The following RBM20 variants were observed in gnomAD, a reference collection of about 807,000 sequenced individuals.
The protein encoded by RBM20 is RNA binding motif protein 20.
RBM20 carries 51 observed loss-of-function variants against 110.1 expected under a neutral mutation model. The observed-to-expected ratio is 0.46, with a 90% CI of 0.37 to 0.59. The LOEUF (loss-of-function observed/expected upper bound fraction) is 0.59, where lower values mean the gene tolerates loss of function less well. Ranked by LOEUF, RBM20 falls within the 20% of genes least tolerant of loss-of-function variation. The pLI is 0.00. For synonymous variants in RBM20, 589 were observed against 618.2 expected (o/e 0.95, Z 0.70); for missense variants, 1,512 against 1,574.9 (o/e 0.96, Z 0.68).
chr10:110,670,642 G>T (rs576750377), intron 1 of RBM20, among the ~76,000 whole-genome samples: 6 of 152,126 alleles, frequency 3.9e-5, no homozygotes, highest in Non-Finnish European at 8.8e-5. Context: ...AGGGAGCCCC[G>T]CTCAGAGAAC....
chr10:110,823,461 C>G lies in RBM20; in HGVS notation c.3317-19C>G, dbSNP rs748164628. On this transcript the variant is annotated intron_variant, in intron 11 of 13. Transcript: ENST00000369519. Reference sequence around the variant, plus strand: ...TTTTTTTTTTTTTTTTTTTTTTTGCCTTGGTTCATGTTTTGCAGAAAACTC... The same window carrying G: ...TTTTTTTTTTTTTTTTTTTTTTTGCGTTGGTTCATGTTTTGCAGAAAACTC... The G allele has an allele frequency of 1.3e-5, 12 of 902,154 alleles. No homozygotes were observed. The highest frequency in any genetic ancestry group is 9.3e-5 in the African/African-American group (3 of 32,236). 55.9% of individuals were successfully genotyped at this position (902,154 alleles called of 1,614,324 possible). A position where few individuals can be genotyped will look rare whatever the true frequency, so the allele number is the denominator to read the frequency against.
rs573716579 is a variant in RBM20 at position 110,740,905 on chromosome 10, G to A, written c.192-39896G>A. On this transcript the variant is annotated intron_variant, in intron 1 of 13. Coordinates refer to ENST00000369519, the MANE Select transcript of RBM20 (RefSeq NM_001134363.3). ...CTGGATCTCCAACATCCTTGGAGAT[G>A]TGTGGTGTTGGATGCTTCTGTCCAG... Among the ~76,000 whole-genome samples the A allele has an allele frequency of 7.2e-5, 11 of 152,304 alleles. No homozygotes were observed. In the South Asian group the frequency reaches 2.3e-3, roughly 32 times the overall value.
At chr10:110,825,423 C>A (rs547233558) in intron 12 of RBM20, among the ~76,000 whole-genome samples, 18 of 152,234 alleles carry the variant, frequency 1.2e-4, no homozygotes, top group Middle Eastern at 3.4e-3. Context: ...ATTATTGTAA[C>A]AAATTCAAAA....
chr10:110,750,966 C>T lies in RBM20; in HGVS notation c.192-29835C>T, dbSNP rs963786157. On this transcript the variant is annotated intron_variant, in intron 1 of 13. Transcript: ENST00000369519. ...CTGCTTTACCTGCAGACCTGCTGAC[C>T]ACTTCTGCCTGAGTTTTCTCATCTG... Among the ~76,000 whole-genome samples the T allele has an allele frequency of 1.7e-4, 25 of 149,422 alleles. 1 individual carries two copies.
In RBM20 at chr10:110,655,279, CT is replaced by C. The variant is rs1200748596; in HGVS notation, c.191+10642del. 1.4e-3 allele frequency among the ~76,000 whole-genome samples: 208 copies of C among 147,808 alleles called. 1 individual carries two copies. Among genetic ancestry groups the C allele is most frequent in the African/African-American group, 4.7e-3 (187 of 39,984 alleles). ...CCTGTTTCCGTCCCCCACCCCCGCC[CT>C]TTTTTTTCCCCTTAAAACTTTAAGT... On this transcript the variant is annotated intron_variant, in intron 1 of 13. Coordinates refer to ENST00000369519, the MANE Select transcript of RBM20 (RefSeq NM_001134363.3).
rs11195343 is a variant in RBM20 at position 110,819,905 on chromosome 10, C to T, written c.2551-167C>T. On this transcript the variant is annotated intron_variant, in intron 9 of 13. Transcript: ENST00000369519. ...AACCTCAGTTTTCTAATCTATAAAA[C>T]GAAGATGCTGATAGCAGCTGCCTCC... is the stretch of plus-strand genomic sequence containing the variant. 1 allele frequency among the ~76,000 whole-genome samples: 152,302 copies of T among 152,352 alleles called. 76,126 individuals are homozygous for T. The highest frequency in any genetic ancestry group is 1 in the Non-Finnish European group (68,034 of 68,034).
chr10:110,781,784 G>C lies in RBM20; in HGVS notation c.1175G>C (p.Arg392Pro), dbSNP rs751788298. The C allele has an allele frequency of 1.3e-6, 2 of 1,551,792 alleles. No homozygotes were observed. Among genetic ancestry groups the C allele is most frequent in the Non-Finnish European group, 1.7e-6 (2 of 1,147,012 alleles). Residue 392 changes from arginine to proline, a missense_variant, in exon 2 of 14, where the codon CGG becomes CCG. Arg to Pro is a moderately radical substitution (Grantham distance 103). Coordinates refer to ENST00000369519, the MANE Select transcript of RBM20 (RefSeq NM_001134363.3). ...AKEDQALLSV[R>P]PLQAHELNDF... Reference sequence around the variant, plus strand: ...GAGGACCAGGCGTTGCTATCTGTGCGGCCCCTGCAGGCTCATGAGCTGAAC... The same window carrying C: ...GAGGACCAGGCGTTGCTATCTGTGCCGCCCCTGCAGGCTCATGAGCTGAAC...
intron 5 of RBM20, among the ~76,000 whole-genome samples, chr10:110,785,888 A>G (rs550024512): frequency 7.2e-5 from 11 of 152,296 alleles, no homozygotes; most frequent in South Asian, 2.1e-4. Context: ...ATGAGAGGGT[A>G]ATTTTGAAGC....
At chr10:110,695,767 C>A (rs1023281544) in intron 1 of RBM20, among the ~76,000 whole-genome samples, 3 of 152,164 alleles carry the variant, frequency 2.0e-5, no homozygotes, top group Admixed American at 1.3e-4. Flanking sequence ...GCTTTAACAG[C>A]AAATCTTGTG....
intron 7 of RBM20, among the ~76,000 whole-genome samples, chr10:110,809,716 A>T (rs1844741048): frequency 6.6e-6 from 1 of 152,158 alleles, no homozygotes; most frequent in Non-Finnish European, 1.5e-5. Flanking sequence ...GCATCAGCTG[A>T]TGTCTGTGCT....
At chr10:110,695,206 T>A (rs377571449) in intron 1 of RBM20, among the ~76,000 whole-genome samples, 1 of 152,180 alleles carries the variant, frequency 6.6e-6, no homozygotes, top group East Asian at 1.9e-4. Context: ...AACTGAGGTG[T>A]TTATTCATCT....
chr10:110,702,991 GT>G (rs11309120), intron 1 of RBM20, among the ~76,000 whole-genome samples: 56,352 of 125,018 alleles, frequency 0.45, 11,496 homozygotes, highest in East Asian at 0.73. Context: ...TTTTTTTCTT[GT>G]TTTTTTTTTT....
intron 1 of RBM20, among the ~76,000 whole-genome samples, chr10:110,687,346 A>C (rs944138788): frequency 2.0e-5 from 3 of 152,240 alleles, no homozygotes; most frequent in Non-Finnish European, 4.4e-5. Flanking sequence ...TCCATGATAT[A>C]TTCATAGCTG....
rs543503687 is a variant in RBM20, at chr10:110,698,204, G to A, written c.191+53559G>A. Among the ~76,000 whole-genome samples the A allele has an allele frequency of 4.2e-4, 64 of 152,186 alleles. 1 individual carries two copies. Among genetic ancestry groups the A allele is most frequent in the African/African-American group, 1.3e-3 (52 of 41,534 alleles). ...ATTACAGGCGTGAGCCACCGCGCCCGGCCCTTGTTTCTTATATTAGTTATC... is the reference window on the plus strand; with the variant it reads ...ATTACAGGCGTGAGCCACCGCGCCCAGCCCTTGTTTCTTATATTAGTTATC... On this transcript the variant is annotated intron_variant, in intron 1 of 13. Transcript: ENST00000369519.
chr10:110,689,582 CT>C (rs1260494837), intron 1 of RBM20, among the ~76,000 whole-genome samples: 5 of 152,146 alleles, frequency 3.3e-5, no homozygotes, highest in African/African-American at 4.8e-5. Context: ...TATTTTATAT[CT>C]TTGTTGGAAA....
chr10:110,645,070 C>T (rs537354299), intron 1 of RBM20, among the ~76,000 whole-genome samples: 51 of 152,102 alleles, frequency 3.4e-4, no homozygotes, highest in Non-Finnish European at 7.1e-4. Context: ...TCATGGTGCC[C>T]CTGAAACCAA....
At chr10:110,678,011 G>A (rs1245213971) in intron 1 of RBM20, among the ~76,000 whole-genome samples, 3 of 152,186 alleles carry the variant, frequency 2.0e-5, no homozygotes, top group African/African-American at 7.2e-5. Context: ...TAGGTGCTGA[G>A]TGATGAATGG....
At chr10:110,733,239 G>A (rs1174519720) in intron 1 of RBM20, among the ~76,000 whole-genome samples, 2 of 152,164 alleles carry the variant, frequency 1.3e-5, no homozygotes, top group Non-Finnish European at 2.9e-5. Context: ...TCCAGAGCTG[G>A]TTCATGGTGT....
rs1334612786 is a variant in RBM20, at chr10:110,836,140, C to G, written c.*162C>G. 2.0e-6 allele frequency: 1 copy of G among 500,248 alleles called. No homozygotes were observed. The highest frequency in any genetic ancestry group is 3.5e-6 in the Non-Finnish European group (1 of 283,524). The allele number at this position is 500,248 out of a possible 1,614,324, so 31.0% of individuals were successfully genotyped here. A position where few individuals can be genotyped will look rare whatever the true frequency, so the allele number is the denominator to read the frequency against. On this transcript the variant is annotated 3_prime_UTR_variant, in exon 14 of 14. Transcript: ENST00000369519. ...TGTTCCCAGAGACTCAGTGAAATGCCCCTGATATGTCTCCAGGAGCAAGTC... is the reference window on the plus strand; with the variant it reads ...TGTTCCCAGAGACTCAGTGAAATGCGCCTGATATGTCTCCAGGAGCAAGTC...
Sources: gnomAD v4.1 joint callset for allele counts (sites outside exome capture counted in the v4.1 genomes callset) on GRCh38, gnomAD v4.1.1 for gene constraint, MANE v1.5 for transcripts, NCBI Gene and HGNC (gene_info 2026-07-23, HGNC 2026-07-21) for gene names.